The following PRDM16 variants were observed in gnomAD, a reference collection of about 807,000 sequenced individuals.
The protein encoded by PRDM16 is histone-lysine N-methyltransferase PRDM16.
In PRDM16, 23 loss-of-function variants were observed where a neutral mutation model predicts 110.6. The ratio of observed to expected loss-of-function variants is 0.21; its 90% CI spans 0.15 to 0.29. The LOEUF is 0.29. Among genes scored for constraint, PRDM16 ranks in the 10% least tolerant of loss-of-function variants. The probability of loss-of-function intolerance (pLI) is 1.00; values close to 1 mark genes in which losing one functional copy is unlikely to be tolerated. For missense variants in PRDM16, 1,615 were observed against 1,794.3 expected, an observed-to-expected ratio of 0.90 and a Z score of 1.81; for synonymous variants, 799 against 781.8, an observed-to-expected ratio of 1.02 and a Z score of -0.37.
At chr1:3,218,684 A>C (rs1456447169) in intron 2 of PRDM16, among the ~76,000 whole-genome samples, 3 of 152,152 alleles carry the variant, frequency 2.0e-5, no homozygotes, top group Non-Finnish European at 2.9e-5. Flanking sequence ...CCACACTGGC[A>C]GGTGCCTCTG....
At chr1:3,324,029 T>A (rs1302261241) in intron 3 of PRDM16, among the ~76,000 whole-genome samples, 1 of 152,152 alleles carries the variant, frequency 6.6e-6, no homozygotes, top group Admixed American at 6.5e-5. Context: ...GCTGCCACCC[T>A]CCCTCCGTCT....
chr1:3,237,327 G>A (rs1198495463), intron 2 of PRDM16, among the ~76,000 whole-genome samples: 2 of 152,024 alleles, frequency 1.3e-5, no homozygotes, highest in East Asian at 1.9e-4. Context: ...TGCATATGCT[G>A]CCTCACTCCC....
At chr1:3,102,989 G>A (rs1642567796) in intron 1 of PRDM16, among the ~76,000 whole-genome samples, 1 of 152,242 alleles carries the variant, frequency 6.6e-6, no homozygotes, top group Admixed American at 6.5e-5. Context: ...ACTAGAAGAT[G>A]TGATCCTGTG....
chr1:3,210,345 A>C (rs1417205766), intron 2 of PRDM16, among the ~76,000 whole-genome samples: 1 of 152,232 alleles, frequency 6.6e-6, no homozygotes, highest in Non-Finnish European at 1.5e-5. Flanking sequence ...CCTGGGATCC[A>C]TGGGGAAACC....
intron 3 of PRDM16, among the ~76,000 whole-genome samples, chr1:3,316,154 C>T (rs1354789815): frequency 3.2e-5 from 1 of 30,854 alleles, no homozygotes; most frequent in Non-Finnish European, 5.9e-5. Flanking sequence ...CGGGTGGGGG[C>T]GGGAGGGACC....
At chr1:3,288,676 C>T (rs1038039029) in intron 3 of PRDM16, among the ~76,000 whole-genome samples, 3 of 152,270 alleles carry the variant, frequency 2.0e-5, no homozygotes, top group South Asian at 2.1e-4. Flanking sequence ...AAGATGCAAA[C>T]CTCCAAGGTG....
intron 3 of PRDM16, among the ~76,000 whole-genome samples, chr1:3,363,969 G>GC (rs1233583816): frequency 6.6e-6 from 1 of 151,500 alleles, no homozygotes; most frequent in Non-Finnish European, 1.5e-5. Context: ...AGCGCCCCCC[G>GC]CCCCCCGAGC....
intron 10 of PRDM16, 91 bp downstream of exon 10, chr1:3,414,738 C>A: frequency 1.0e-6 from 1 of 982,098 alleles, no homozygotes; most frequent in African/African-American, 1.6e-5. Context: ...CAGGCTGGAG[C>A]CTAAGTCCCC....
At chr1:3,099,332 C>T (rs751657671) in intron 1 of PRDM16, among the ~76,000 whole-genome samples, 1 of 152,260 alleles carries the variant, frequency 6.6e-6, no homozygotes, top group East Asian at 1.9e-4. Context: ...CAGACAGTGA[C>T]GACCACCTGG....
chr1:3,167,103 G>C (rs1352296548), intron 1 of PRDM16, among the ~76,000 whole-genome samples: 1 of 152,170 alleles, frequency 6.6e-6, no homozygotes, highest in Non-Finnish European at 1.5e-5. Context: ...GGAAGGCTCA[G>C]CTGGTGCTGG....
At chr1:3,076,503 T>C (rs910508870) in intron 1 of PRDM16, among the ~76,000 whole-genome samples, 1 of 152,192 alleles carries the variant, frequency 6.6e-6, no homozygotes, top group African/African-American at 2.4e-5. Context: ...CGTCAGGGCA[T>C]GCAGGAGCAG....
At chr1:3,227,950 C>T (rs1639329828) in intron 2 of PRDM16, among the ~76,000 whole-genome samples, 1 of 152,258 alleles carries the variant, frequency 6.6e-6, no homozygotes. Context: ...GTTTGCTCTT[C>T]CTCCAAGTCT....
intron 2 of PRDM16, among the ~76,000 whole-genome samples, chr1:3,195,932 G>C (rs1638462375): frequency 6.6e-6 from 1 of 152,256 alleles, no homozygotes; most frequent in South Asian, 2.1e-4. Context: ...CCTGGTCTCT[G>C]TGAGGCTCTG....
intron 1 of PRDM16, among the ~76,000 whole-genome samples, chr1:3,153,483 C>T (rs1643811698): frequency 6.6e-6 from 1 of 152,228 alleles, no homozygotes; most frequent in South Asian, 2.1e-4. Context: ...AGCGCGGTCC[C>T]CAGGCTGGAC....
At chr1:3,303,445 A>G in intron 3 of PRDM16, among the ~76,000 whole-genome samples, 1 of 151,994 alleles carries the variant, frequency 6.6e-6, no homozygotes, top group Non-Finnish European at 1.5e-5. Context: ...CATGAAACCC[A>G]CATTTTCTGT....
intron 2 of PRDM16, among the ~76,000 whole-genome samples, chr1:3,235,534 C>T (rs10909906): frequency 0.04 from 6,082 of 152,250 alleles, 334 homozygotes; most frequent in East Asian, 0.22. Flanking sequence ...TTCCCGCTCG[C>T]CCCGCTGCCT....
In PRDM16 at chr1:3,362,820, G is replaced by A. The variant is rs1443456701; in HGVS notation, c.439-22332G>A. Among the ~76,000 whole-genome samples, 4 of 152,314 alleles carry A rather than the reference G, an allele frequency of 2.6e-5. No homozygotes were observed. The East Asian group carries it at 5.8e-4, about 22-fold the overall frequency. Reference sequence around the variant, plus strand: ...AGGCTGCCCTGACCTGCTCCAGGGAGCGTCGGGGAGCCATAGGGAGTGTCG... The same window carrying A: ...AGGCTGCCCTGACCTGCTCCAGGGAACGTCGGGGAGCCATAGGGAGTGTCG... On this transcript the variant is annotated intron_variant, in intron 3 of 16. Coordinates refer to ENST00000270722, the MANE Select transcript of PRDM16 (RefSeq NM_022114.4).
intron 3 of PRDM16, among the ~76,000 whole-genome samples, chr1:3,352,759 C>A (rs968736035): frequency 6.6e-6 from 1 of 152,186 alleles, no homozygotes; most frequent in Non-Finnish European, 1.5e-5. Flanking sequence ...TGCGATTGGC[C>A]GCATATTGAA....
intron 1 of PRDM16, among the ~76,000 whole-genome samples, chr1:3,114,506 GCACA>G (rs139234332): frequency 6.7e-6 from 1 of 149,754 alleles, no homozygotes; most frequent in Non-Finnish European, 1.5e-5. Context: ...ACACGCGCAT[GCACA>G]CACACATGAA....
Sources: allele counts gnomAD v4.1 joint callset (sites outside exome capture counted in the v4.1 genomes callset), GRCh38; gene constraint gnomAD v4.1.1; transcripts MANE v1.5; gene names NCBI Gene and HGNC (gene_info 2026-07-23, HGNC 2026-07-21).